Variants in CLINT1 observed in about 807,000 individuals in gnomAD.
CLINT1 encodes the protein clathrin interacting protein localized in the trans-Golgi region.
In CLINT1, 15 loss-of-function variants were observed where a neutral mutation model predicts 70.4. The observed-to-expected ratio is 0.21, with a 90% CI of 0.14 to 0.33. The LOEUF (loss-of-function observed/expected upper bound fraction) is 0.33, where lower values mean the gene tolerates loss of function less well. Among genes scored for constraint, CLINT1 ranks in the 10% least tolerant of loss-of-function variants. CLINT1 has a pLI of 1.00. For synonymous variants in CLINT1, 227 were observed against 254.7 expected, an observed-to-expected ratio of 0.89 and a Z score of 1.04; for missense variants, 615 against 778.1, an observed-to-expected ratio of 0.79 and a Z score of 2.49.
chr5:157,838,821 A>G (rs1763520669), intron 1 of CLINT1, among the ~76,000 whole-genome samples: 1 of 152,234 alleles, frequency 6.6e-6, no homozygotes, highest in Non-Finnish European at 1.5e-5. Flanking sequence ...CTTGTGTGGC[A>G]TATGCTTTTT....
At position 157,816,773 on chromosome 5, in the gene CLINT1, C is replaced by T. The variant is rs971730372; in HGVS notation, c.204G>A (p.Met68Ile). The T allele has an allele frequency of 6.2e-7, 1 of 1,610,824 alleles. No individual in the cohort carries two copies. Among genetic ancestry groups the T allele is most frequent in the African/African-American group, 1.3e-5 (1 of 74,782 alleles). ...PELMNMLWSR[M>I]LKDNKKNWRR... ...TCCAATTCTTTTTGTTGTCTTTTAA[C>T]ATTCGTGACCAAAGCATGTTCATAA... Residue 68 changes from methionine to isoleucine, a missense_variant, in exon 3 of 12, where the codon ATG (methionine) becomes ATA (isoleucine). By Grantham distance (10) the Met-to-Ile change is conservative (BLOSUM62 1). Around this residue, in one of 2 missense-constraint regions of CLINT1, gnomAD observed 241 missense variants for 368.6 expected, o/e 0.65. Transcript: ENST00000411809.
intron 1 of CLINT1, among the ~76,000 whole-genome samples, chr5:157,834,481 TA>T (rs909624483): frequency 6.6e-6 from 1 of 151,930 alleles, no homozygotes; most frequent in African/African-American, 2.4e-5. Context: ...TTTAGGACTA[TA>T]AAAAAAAGTC....
intron 1 of CLINT1, among the ~76,000 whole-genome samples, chr5:157,847,363 TAGCC>T (rs997901955): frequency 1.3e-5 from 2 of 151,980 alleles, no homozygotes; most frequent in African/African-American, 4.8e-5. Flanking sequence ...AATTAAAAAT[TAGCC>T]AGGCGTGGTG....
chr5:157,830,481 T>C (rs1763186478), intron 1 of CLINT1, among the ~76,000 whole-genome samples: 1 of 152,160 alleles, frequency 6.6e-6, no homozygotes, highest in South Asian at 2.1e-4. Context: ...CCTTGCTTAT[T>C]TTCAACATCA....
At chr5:157,820,452 T>C (rs2113228083) in intron 1 of CLINT1, among the ~76,000 whole-genome samples, 1 of 152,258 alleles carries the variant, frequency 6.6e-6, no homozygotes, top group South Asian at 2.1e-4. Flanking sequence ...AATGAAGCTG[T>C]TGCTTTCAGA....
chr5:157,836,538 C>T (rs765264381), intron 1 of CLINT1, among the ~76,000 whole-genome samples: 8 of 152,182 alleles, frequency 5.3e-5, no homozygotes, highest in African/African-American at 1.9e-4. Flanking sequence ...TGTCATTAAG[C>T]GGTGTCATTT....
At position 157,803,722 on chromosome 5, in the gene CLINT1, GA is replaced by G; in HGVS notation, c.943-4del. 6.4e-7 allele frequency: 1 copy of G among 1,551,534 alleles called. No individual in the cohort carries two copies. The highest frequency in any genetic ancestry group is 8.8e-7 in the Non-Finnish European group (1 of 1,140,568). ...GACTTGCTGCTAGGCACTGAAGTCT[GA>G]AAACACACACATAACTCAGGAGCTT... On this transcript the variant is annotated splice_region_variant and splice_polypyrimidine_tract_variant and intron_variant, in intron 7 of 11. Transcript: ENST00000411809.
intron 1 of CLINT1, among the ~76,000 whole-genome samples, chr5:157,856,144 C>T (rs148140892): frequency 2.2e-3 from 335 of 152,216 alleles, no homozygotes; most frequent in African/African-American, 7.8e-3. Flanking sequence ...TATTGATTAC[C>T]ACTTTTTAAG....
At chr5:157,820,007 A>C (rs1364136074) in intron 1 of CLINT1, among the ~76,000 whole-genome samples, 1 of 152,226 alleles carries the variant, frequency 6.6e-6, no homozygotes, top group African/African-American at 2.4e-5. Flanking sequence ...ATAATCTAAG[A>C]ATCTCCTCAT....
At chr5:157,832,916 C>T (rs1205217259) in intron 1 of CLINT1, among the ~76,000 whole-genome samples, 1 of 152,208 alleles carries the variant, frequency 6.6e-6, no homozygotes, top group Non-Finnish European at 1.5e-5. Context: ...TTATTGGGAA[C>T]AGCTTTGTAA....
chr5:157,831,457 G>T (rs1302010999), intron 1 of CLINT1, among the ~76,000 whole-genome samples: 1 of 151,950 alleles, frequency 6.6e-6, no homozygotes, highest in African/African-American at 2.4e-5. Context: ...CTAAGTGCTG[G>T]GATTACAGGC....
At chr5:157,814,798 C>T (rs1306548547) in intron 3 of CLINT1, among the ~76,000 whole-genome samples, 9 of 151,936 alleles carry the variant, frequency 5.9e-5, no homozygotes, top group Admixed American at 1.3e-4. Flanking sequence ...CCTGGGAGGC[C>T]GAGGTGGGCG....
At position 157,814,249 on chromosome 5, in the gene CLINT1, A is replaced by G. The variant is rs762848084; in HGVS notation, c.288T>C (p.Arg96=). Residue 96 remains arginine, a synonymous_variant, in exon 4 of 12, where the codon CGT becomes CGC. Transcript: ENST00000411809. Reference sequence around the variant, plus strand: ...TGTGTTCTCTGGCACTTGTAACAACACGCTCTGATCCATTCCTTATGAGGT... The same window carrying G: ...TGTGTTCTCTGGCACTTGTAACAACGCGCTCTGATCCATTCCTTATGAGGT... ...LAYLIRNGSE[R]VVTSAREHIY... 1.9e-6 allele frequency: 3 copies of G among 1,611,172 alleles called. No individual in the cohort carries two copies. Among genetic ancestry groups the G allele is most frequent in the Non-Finnish European group, 1.7e-6 (2 of 1,178,756 alleles).
chr5:157,830,774 CTCTCTCTCTCTCTCTCTCTCTCTA>C (rs1240752229), intron 1 of CLINT1, among the ~76,000 whole-genome samples: 1 of 128,064 alleles, frequency 7.8e-6, no homozygotes, highest in Non-Finnish European at 1.7e-5. Context: ...CTCTCTCTCT[CTCTCTCTCTCTCTCTCTCTCTCTA>C]TATATATATA....
At chr5:157,788,968 G>GAAAAAAAAA (rs58634730) in intron 11 of CLINT1, among the ~76,000 whole-genome samples, 479 of 94,928 alleles carry the variant, frequency 5.0e-3, no homozygotes, top group Non-Finnish European at 7.4e-3. Flanking sequence ...CTCCATCTCA[G>GAAAAAAAAA]AAAAAAAAAA....
At position 157,833,569 on chromosome 5, in the gene CLINT1, T is replaced by C. The variant is rs374911908; in HGVS notation, c.42-16022A>G. 1.6e-3 allele frequency among the ~76,000 whole-genome samples: 244 copies of C among 152,232 alleles called. 2 individuals are homozygous for C. Among genetic ancestry groups the C allele is most frequent in the African/African-American group, 5.5e-3 (228 of 41,550 alleles). On this transcript the variant is annotated intron_variant, in intron 1 of 11. Coordinates refer to ENST00000411809, the MANE Select transcript of CLINT1 (RefSeq NM_014666.4). Reference sequence around the variant, plus strand: ...GCCACTTCCTCCAAGAAACCTTCCTTAACTCCCAAAACAGTTGGGAGTCTG... The same window carrying C: ...GCCACTTCCTCCAAGAAACCTTCCTCAACTCCCAAAACAGTTGGGAGTCTG...
intron 1 of CLINT1, among the ~76,000 whole-genome samples, chr5:157,847,088 T>A (rs897946349): frequency 6.6e-6 from 1 of 151,944 alleles, no homozygotes; most frequent in Admixed American, 6.7e-5. Context: ...GACTTTCAAG[T>A]CTTATTATTT....
Position 157,794,851 on chromosome 5 carries a change from A to C in CLINT1, c.1087+47T>G, listed in dbSNP as rs185104201. ...GGGGGGAATGGGAGTTGTTTTTAAT[A>C]ACCTTTTTACCACCCTAGACTTCTG... On this transcript the variant is annotated intron_variant, in intron 9 of 11. Coordinates refer to ENST00000411809, the MANE Select transcript of CLINT1 (RefSeq NM_014666.4). 1,825 of 1,434,442 alleles carry C rather than the reference A, an allele frequency of 1.3e-3. 9 individuals carry two copies. Among genetic ancestry groups the C allele is most frequent in the Non-Finnish European group, 9.3e-4 (967 of 1,042,640 alleles). The allele number at this position is 1,434,442 out of a possible 1,614,324, so 88.9% of individuals were successfully genotyped here.
rs760036405 is a variant in CLINT1, at chr5:157,817,556, GA to G, written c.42-10del. 14 of 1,551,212 alleles carry G rather than the reference GA, an allele frequency of 9.0e-6. No homozygotes were observed. Among genetic ancestry groups the G allele is most frequent in the East Asian group, 4.6e-5 (2 of 43,706 alleles). On this transcript the variant is annotated splice_polypyrimidine_tract_variant and intron_variant, in intron 1 of 11. Coordinates refer to ENST00000411809, the MANE Select transcript of CLINT1 (RefSeq NM_014666.4). ...TCATAACAACATTGGTGCTGTAGAG[GA>G]AAAAAATGCACGCACACATGCACAA...
Sources: gnomAD v4.1 joint callset for allele counts (sites outside exome capture counted in the v4.1 genomes callset) on GRCh38, gnomAD v4.1.1 for gene constraint, gnomAD v4.1.1 regional missense constraint, MANE v1.5 for transcripts, NCBI Gene and HGNC (gene_info 2026-07-23, HGNC 2026-07-21) for gene names.